HTR1F: variants seen among roughly 807,000 people sequenced by gnomAD.
HTR1F encodes 5-hydroxytryptamine (serotonin) receptor 1F, G protein-coupled.
HTR1F carries 17 observed loss-of-function variants against 24.0 expected under a neutral mutation model. That is an observed-to-expected ratio of 0.71 (90% CI 0.48 to 1.06). The LOEUF (loss-of-function observed/expected upper bound fraction) is 1.06. HTR1F is among the 50% of genes least tolerant of loss of function. HTR1F has a pLI of 0.00. For missense variants in HTR1F, 391 were observed against 427.8 expected (o/e 0.91, Z 0.76); for synonymous variants, 186 against 156.8 (o/e 1.19, Z -1.39).
chr3:87,943,012 G>T (rs1233459151), intron 2 of HTR1F, among the ~76,000 whole-genome samples: 2 of 152,180 alleles, frequency 1.3e-5, no homozygotes, highest in Admixed American at 1.3e-4. Context: ...TCCTTGCCCT[G>T]TGTTATAGTG....
At chr3:87,943,447 G>T (rs1704618656) in intron 2 of HTR1F, among the ~76,000 whole-genome samples, 1 of 152,072 alleles carries the variant, frequency 6.6e-6, no homozygotes, top group Non-Finnish European at 1.5e-5. Flanking sequence ...ATGCACTCTG[G>T]CTGGGCCAAA....
chr3:87,842,517 T>C (rs1408967158), intron 2 of HTR1F, among the ~76,000 whole-genome samples: 2 of 151,868 alleles, frequency 1.3e-5, no homozygotes, highest in Non-Finnish European at 2.9e-5. Context: ...ATGAAACATC[T>C]CACGAGCTAT....
chr3:87,924,810 T>C (rs1349679357), intron 2 of HTR1F, among the ~76,000 whole-genome samples: 1 of 152,146 alleles, frequency 6.6e-6, no homozygotes. Context: ...CTCTTTTGTC[T>C]TTTACTTGAC....
At chr3:87,930,093 G>A (rs2107402470) in intron 2 of HTR1F, among the ~76,000 whole-genome samples, 1 of 152,184 alleles carries the variant, frequency 6.6e-6, no homozygotes, top group Non-Finnish European at 1.5e-5. Flanking sequence ...CTTGGCTGTT[G>A]CTATTGTATA....
At chr3:87,873,348 G>C (rs1705601916) in intron 2 of HTR1F, among the ~76,000 whole-genome samples, 2 of 152,100 alleles carry the variant, frequency 1.3e-5, no homozygotes, top group African/African-American at 4.8e-5. Flanking sequence ...GGAGATGAAT[G>C]ATGTAAACAT....
At chr3:87,850,557 T>C (rs1207022018) in intron 2 of HTR1F, among the ~76,000 whole-genome samples, 4 of 151,790 alleles carry the variant, frequency 2.6e-5, no homozygotes, top group African/African-American at 4.9e-5. Flanking sequence ...TGTATACATA[T>C]GTAACAAACC....
At chr3:87,961,814 AAG>A (rs900521109) in intron 2 of HTR1F, among the ~76,000 whole-genome samples, 1 of 151,888 alleles carries the variant, frequency 6.6e-6, no homozygotes, top group African/African-American at 2.4e-5. Context: ...AAAAAAAAAA[AAG>A]AATAAAAGGT....
At chr3:87,932,053 A>T (rs915575687) in intron 2 of HTR1F, among the ~76,000 whole-genome samples, 8 of 152,118 alleles carry the variant, frequency 5.3e-5, no homozygotes, top group African/African-American at 9.7e-5. Flanking sequence ...GTTTAACTAG[A>T]TCCCATTTGT....
chr3:87,877,303 T>G (rs1705691875), intron 2 of HTR1F, among the ~76,000 whole-genome samples: 10 of 152,168 alleles, frequency 6.6e-5, no homozygotes. Flanking sequence ...GTAATGTGCC[T>G]GAGTTGTCTA....
At chr3:87,843,984 A>G (rs1704875448) in intron 2 of HTR1F, among the ~76,000 whole-genome samples, 1 of 150,954 alleles carries the variant, frequency 6.6e-6, no homozygotes, top group African/African-American at 2.5e-5. Context: ...GCTGCAATAA[A>G]CATACGTGTG....
At chr3:87,897,906 T>C (rs1197669454) in intron 2 of HTR1F, among the ~76,000 whole-genome samples, 2 of 152,146 alleles carry the variant, frequency 1.3e-5, no homozygotes, top group African/African-American at 2.4e-5. Context: ...CTGTTTATTA[T>C]ACTTATCTCA....
intron 2 of HTR1F, among the ~76,000 whole-genome samples, chr3:87,916,449 G>A (rs1318893454): frequency 6.6e-6 from 1 of 151,790 alleles, no homozygotes; most frequent in East Asian, 1.9e-4. Flanking sequence ...GAATGGATAA[G>A]AACTCATCAA....
intron 2 of HTR1F, among the ~76,000 whole-genome samples, chr3:87,925,296 T>C (rs1368519951): frequency 2.6e-5 from 4 of 152,150 alleles, no homozygotes; most frequent in African/African-American, 7.2e-5. Context: ...AGGGGGCACA[T>C]ACAACAGCTT....
intron 2 of HTR1F, among the ~76,000 whole-genome samples, chr3:87,861,774 T>G (rs2107231220): frequency 6.6e-6 from 1 of 152,290 alleles, no homozygotes; most frequent in South Asian, 2.1e-4. Flanking sequence ...TTTCTAAGCT[T>G]TTGCTGGTAT....
rs1019619321 is a variant in HTR1F, at chr3:87,992,804, T to G, written c.*954T>G. ...CTTCAGTATTTTCCATACCTTTGAT[T>G]TCAACATTATTTCCCGTTTACTAGA... On this transcript the variant is annotated 3_prime_UTR_variant, in exon 3 of 3. Transcript: ENST00000319595. The G allele has an allele frequency of 6.0e-6, 1 of 166,990 alleles. No homozygotes were observed. Among genetic ancestry groups the G allele is most frequent in the Non-Finnish European group, 1.5e-5 (1 of 68,090 alleles). The allele number at this position is 166,990 out of a possible 1,614,324, so 10.3% of individuals were successfully genotyped here. A position where few individuals can be genotyped will look rare whatever the true frequency, so the allele number is the denominator to read the frequency against.
intron 2 of HTR1F, among the ~76,000 whole-genome samples, chr3:87,899,452 C>A (rs755607077): frequency 2.6e-5 from 4 of 152,068 alleles, no homozygotes; most frequent in South Asian, 4.1e-4. Flanking sequence ...TTTTAATTTA[C>A]GTAGAAGTTA....
intron 2 of HTR1F, among the ~76,000 whole-genome samples, chr3:87,948,994 T>C (rs1704774995): frequency 6.6e-6 from 1 of 152,184 alleles, no homozygotes; most frequent in Admixed American, 6.5e-5. Flanking sequence ...TCATAAACCA[T>C]CCTGTTGTAA....
intron 2 of HTR1F, among the ~76,000 whole-genome samples, chr3:87,873,131 C>CAGAGAG (rs201205553): frequency 6.2e-5 from 7 of 112,464 alleles, no homozygotes; most frequent in African/African-American, 1.3e-4. Context: ...CACACACACA[C>CAGAGAG]ACAGAGAGAT....
chr3:87,940,225 G>C (rs111521410), intron 2 of HTR1F, among the ~76,000 whole-genome samples: 2 of 152,096 alleles, frequency 1.3e-5, no homozygotes, highest in African/African-American at 4.8e-5. Flanking sequence ...TGTGATCTGC[G>C]AGACTGTTTG....
Sources: allele counts gnomAD v4.1 joint callset (sites outside exome capture counted in the v4.1 genomes callset), GRCh38; gene constraint gnomAD v4.1.1; transcripts MANE v1.5; gene names NCBI Gene and HGNC (gene_info 2026-07-23, HGNC 2026-07-21).